The following TRIM55 variants were observed in gnomAD, a reference collection of about 807,000 sequenced individuals.
TRIM55 encodes tripartite motif containing 55.
TRIM55 carries 50 observed loss-of-function variants against 60.9 expected under a neutral mutation model. That is an observed-to-expected ratio of 0.82 (90% CI 0.65 to 1.04). The LOEUF (loss-of-function observed/expected upper bound fraction) is 1.04, where lower values mean the gene tolerates loss of function less well. TRIM55 is among the 50% of genes least tolerant of loss of function. TRIM55 has a pLI of 0.00. For missense variants in TRIM55, 681 were observed against 666.9 expected (o/e 1.02, Z -0.23); for synonymous variants, 237 against 238.1 (o/e 1.00, Z 0.04).
At chr8:66,155,843 A>C (rs1810708988) in intron 9 of TRIM55, 3 of 667,896 alleles carry the variant, frequency 4.5e-6, no homozygotes, top group Non-Finnish European at 7.6e-6. Flanking sequence ...CATTGTTCTC[A>C]GATTATACTG....
chr8:66,114,330 G>A, the TRIM55 span, among the ~76,000 whole-genome samples: 7 of 152,266 alleles, frequency 4.6e-5, no homozygotes, highest in East Asian at 1.3e-3. Flanking sequence ...AAAGTCAGAC[G>A]AAGTCAGGTG....
chr8:66,151,893 TAAAA>T (rs1482133558), intron 7 of TRIM55, among the ~76,000 whole-genome samples: 17 of 137,426 alleles, frequency 1.2e-4, no homozygotes, highest in Middle Eastern at 3.9e-3. Context: ...AATAAATAAA[TAAAA>T]GAGTCGTGAC....
chr8:66,152,482 C>T lies in TRIM55; in HGVS notation c.1091C>T (p.Thr364Ile). Residue 364 changes from threonine to isoleucine, a missense_variant, in exon 8 of 10, where the codon ACA (threonine) becomes ATA (isoleucine). Transcript: ENST00000315962. ...GTGGAAGAGGTAGAAAATGTTCAAACAGAGTTTCCAGGAGAAGATGAAAAC... is the reference window on the plus strand; with the variant it reads ...GTGGAAGAGGTAGAAAATGTTCAAATAGAGTTTCCAGGAGAAGATGAAAAC... The part of the protein sequence containing the change: ...VEVEEVENVQ[T>I]EFPGEDENPE... 1 of 1,614,168 alleles carries T rather than the reference C, an allele frequency of 6.2e-7. No individual in the cohort carries two copies.
rs748484752 is a variant in TRIM55, at chr8:66,154,192, C to T, written c.1382C>T (p.Pro461Leu). The T allele has an allele frequency of 1.9e-6, 3 of 1,614,052 alleles. No individual in the cohort carries two copies. The highest frequency in any genetic ancestry group is 2.5e-6 in the Non-Finnish European group (3 of 1,180,004). Reference sequence around the variant, plus strand: ...GCCACCACCAACCCACCTTGCACCCCAGGGAGCGAAGGTCTGGGGCAAATA... The same window carrying T: ...GCCACCACCAACCCACCTTGCACCCTAGGGAGCGAAGGTCTGGGGCAAATA... ...RKATTNPPCTPGSEGLGQIGP... is the reference protein window; with the variant it reads ...RKATTNPPCTLGSEGLGQIGP... The change falls in exon 9 of 10, where the codon CCA becomes CTA. Residue 461 changes from proline (P) to leucine (L), a missense_variant. Physicochemically the swap from Pro to Leu is moderately conservative, Grantham distance 98 (BLOSUM62 -3). Coordinates refer to ENST00000315962, the MANE Select transcript of TRIM55 (RefSeq NM_184085.2).
intron 9 of TRIM55, among the ~76,000 whole-genome samples, chr8:66,159,798 G>A (rs1810947390): frequency 6.6e-6 from 1 of 152,106 alleles, no homozygotes; most frequent in African/African-American, 2.4e-5. Flanking sequence ...AAGACTAATG[G>A]TTAGCACCTT....
intron 4 of TRIM55, among the ~76,000 whole-genome samples, chr8:66,146,375 A>G (rs1288064708): frequency 6.6e-6 from 1 of 152,242 alleles, no homozygotes; most frequent in Non-Finnish European, 1.5e-5. Context: ...GCCAAAAAAA[A>G]TTATATGGTC....
At chr8:66,113,809 T>C in the TRIM55 span, among the ~76,000 whole-genome samples, 1 of 152,158 alleles carries the variant, frequency 6.6e-6, no homozygotes, top group Non-Finnish European at 1.5e-5. Flanking sequence ...CCGGGCAGCT[T>C]CTGCGACCCG....
intron 9 of TRIM55, among the ~76,000 whole-genome samples, chr8:66,154,983 C>A (rs1586228233): frequency 6.6e-6 from 1 of 152,064 alleles, no homozygotes. Context: ...CCATGTCTTC[C>A]CCCTAACACT....
At chr8:66,173,435 A>G (rs1811751525) in intron 9 of TRIM55, among the ~76,000 whole-genome samples, 1 of 152,222 alleles carries the variant, frequency 6.6e-6, no homozygotes, top group African/African-American at 2.4e-5. Context: ...ATACTTAACC[A>G]AAGTTCTGCT....
At chr8:66,139,192 A>T (rs916063546) in intron 4 of TRIM55, among the ~76,000 whole-genome samples, 1 of 152,248 alleles carries the variant, frequency 6.6e-6, no homozygotes, top group Non-Finnish European at 1.5e-5. Context: ...ACTCCAGGGT[A>T]GTACCAAGCT....
At chr8:66,163,068 C>T (rs570557525) in intron 9 of TRIM55, among the ~76,000 whole-genome samples, 4 of 152,136 alleles carry the variant, frequency 2.6e-5, no homozygotes, top group South Asian at 4.1e-4. Context: ...TCTATTTCTG[C>T]ACTTGTATTT....
chr8:66,164,757 A>C (rs1811228841), intron 9 of TRIM55, among the ~76,000 whole-genome samples: 2 of 152,218 alleles, frequency 1.3e-5, no homozygotes, highest in Non-Finnish European at 2.9e-5. Context: ...GCAGTGGAGA[A>C]AATGTCGCCA....
chr8:66,142,771 G>C (rs1197706377), intron 4 of TRIM55, among the ~76,000 whole-genome samples: 2 of 152,220 alleles, frequency 1.3e-5, no homozygotes. Flanking sequence ...AAAGGGGCCA[G>C]CTGGTGGAGG....
chr8:66,164,814 G>A (rs1174819128), intron 9 of TRIM55, among the ~76,000 whole-genome samples: 4 of 152,088 alleles, frequency 2.6e-5, no homozygotes, highest in Non-Finnish European at 5.9e-5. Flanking sequence ...CAGGCTCTGT[G>A]ATAGTTGTTT....
chr8:66,137,502 A>G (rs1055335609), intron 4 of TRIM55, among the ~76,000 whole-genome samples: 6 of 152,366 alleles, frequency 3.9e-5, no homozygotes, highest in South Asian at 4.1e-4. Flanking sequence ...TTGCTATTAC[A>G]GCAAACTTTC....
the TRIM55 span, among the ~76,000 whole-genome samples, chr8:66,117,373 T>C: frequency 2.0e-5 from 3 of 152,262 alleles, no homozygotes; most frequent in Non-Finnish European, 4.4e-5. Flanking sequence ...CAATATTGGT[T>C]ACATGTTGAA....
intron 2 of TRIM55, among the ~76,000 whole-genome samples, chr8:66,129,140 A>G (rs1299726864): frequency 5.3e-5 from 8 of 152,224 alleles, no homozygotes; most frequent in Non-Finnish European, 1.5e-5. Context: ...TCACTTGTTG[A>G]TTGTGAATAA....
intron 2 of TRIM55, among the ~76,000 whole-genome samples, chr8:66,133,425 C>A (rs1165296425): frequency 6.6e-6 from 1 of 152,108 alleles, no homozygotes; most frequent in Non-Finnish European, 1.5e-5. Flanking sequence ...CATCATGGCC[C>A]CTGCCCTTAT....
chr8:66,124,679 C>T (rs1338031634), upstream of TRIM55, among the ~76,000 whole-genome samples: 1 of 152,260 alleles, frequency 6.6e-6, no homozygotes, highest in East Asian at 1.9e-4. Context: ...AAGCTGGGAA[C>T]TGCGTCAGGC....
Sources: allele counts gnomAD v4.1 joint callset (sites outside exome capture counted in the v4.1 genomes callset), GRCh38; gene constraint gnomAD v4.1.1; transcripts MANE v1.5; gene names NCBI Gene and HGNC (gene_info 2026-07-23, HGNC 2026-07-21).